Variants in MACO1 observed in about 807,000 individuals in gnomAD.
MACO1 encodes macoilin.
MACO1 carries 14 observed loss-of-function variants against 78.7 expected under a neutral mutation model. That is an observed-to-expected ratio of 0.18 (90% CI 0.12 to 0.28). The LOEUF (loss-of-function observed/expected upper bound fraction) is 0.28, where lower values mean the gene tolerates loss of function less well. MACO1 is among the 10% of genes least tolerant of loss of function. MACO1 has a pLI of 1.00. For synonymous variants in MACO1, 288 were observed against 291.6 expected (o/e 0.99, Z 0.12); for missense variants, 501 against 799.0 (o/e 0.63, Z 4.50).
At chr1:25,448,449 G>A (rs996215548) in intron 2 of MACO1, among the ~76,000 whole-genome samples, 2 of 151,932 alleles carry the variant, frequency 1.3e-5, no homozygotes, top group Non-Finnish European at 2.9e-5. Context: ...GGGTGACAGA[G>A]CGAGACTCCA....
At chr1:25,432,421 T>C (rs2042883931) in intron 1 of MACO1, among the ~76,000 whole-genome samples, 2 of 152,342 alleles carry the variant, frequency 1.3e-5, no homozygotes, top group African/African-American at 4.8e-5. Context: ...AAATGAGCCA[T>C]AGAGCATAGG....
chr1:25,430,979 T>G lies in MACO1; in HGVS notation c.-120T>G, dbSNP rs1435471012. ...CCCCTCCCCCCGGGTGCTGGCTCCATGTCTGTGTGACCGGCCTCAGGGGTA... is the reference window on the plus strand; with the variant it reads ...CCCCTCCCCCCGGGTGCTGGCTCCAGGTCTGTGTGACCGGCCTCAGGGGTA... On this transcript the variant is annotated 5_prime_UTR_variant, in exon 1 of 11. It removes an upstream start codon present in the reference 5' UTR. Coordinates refer to ENST00000374343, the MANE Select transcript of MACO1 (RefSeq NM_018202.6). 8.4e-6 allele frequency: 3 copies of G among 358,046 alleles called. No homozygotes were observed. Among genetic ancestry groups the G allele is most frequent in the East Asian group, 1.5e-4 (1 of 6,478 alleles). 22.2% of individuals were successfully genotyped at this position (358,046 alleles called of 1,614,324 possible). A position where few individuals can be genotyped will look rare whatever the true frequency, so the allele number is the denominator to read the frequency against.
At chr1:25,469,910 GCCA>G (rs1260669228) in intron 6 of MACO1, among the ~76,000 whole-genome samples, 1 of 152,122 alleles carries the variant, frequency 6.6e-6, no homozygotes, top group African/African-American at 2.4e-5. Context: ...ACAGGCATGA[GCCA>G]CCGCGCCCGG....
intron 8 of MACO1, among the ~76,000 whole-genome samples, chr1:25,487,107 G>GCTTATTTAT (rs1445489620): frequency 1.1e-4 from 16 of 152,054 alleles, no homozygotes; most frequent in Non-Finnish European, 2.4e-4. Flanking sequence ...TTCCAGTTAA[G>GCTTATTTAT]CTTATTTATC....
At chr1:25,464,254 A>G (rs75263923) in intron 6 of MACO1, among the ~76,000 whole-genome samples, 76,179 of 151,074 alleles carry the variant, frequency 0.5, 19,567 homozygotes, top group East Asian at 0.73. Context: ...GAATGATATT[A>G]CATAGCCTTT....
In MACO1 at chr1:25,455,245, TAATG is replaced by T. The variant is rs2043109216; in HGVS notation, c.473+867_473+870del. 9.2e-5 allele frequency among the ~76,000 whole-genome samples: 14 copies of T among 152,310 alleles called. No homozygotes were observed. The South Asian group carries it at 2.9e-3, about 32-fold the overall frequency. On this transcript the variant is annotated intron_variant, in intron 4 of 10. Transcript: ENST00000374343. Reference sequence around the variant, plus strand: ...GAATGAATATTATTTCTCTTTATGTTAATGAATATTAAGATATTATTCATTTAAT... The same window carrying T: ...GAATGAATATTATTTCTCTTTATGTTAATATTAAGATATTATTCATTTAAT...
intron 6 of MACO1, among the ~76,000 whole-genome samples, chr1:25,463,769 T>A (rs1304011727): frequency 2.0e-5 from 3 of 152,258 alleles, no homozygotes; most frequent in Non-Finnish European, 4.4e-5. Flanking sequence ...AAATTGCTGT[T>A]AAAATTTTGT....
intron 10 of MACO1, among the ~76,000 whole-genome samples, chr1:25,495,859 G>A (rs922874681): frequency 2.0e-5 from 3 of 152,208 alleles, no homozygotes; most frequent in Non-Finnish European, 4.4e-5. Flanking sequence ...CTACTCGGGA[G>A]GCTGAGGCAG....
intron 10 of MACO1, 64 bp downstream of exon 10, chr1:25,491,648 G>A: frequency 1.4e-6 from 2 of 1,454,982 alleles, no homozygotes; most frequent in Non-Finnish European, 1.9e-6. Context: ...GCACAGGCCA[G>A]ACCTCTCCTG....
At chr1:25,484,322 G>A in intron 7 of MACO1, 48 bp downstream of exon 7, 1 of 1,521,100 alleles carries the variant, frequency 6.6e-7, no homozygotes, top group East Asian at 2.4e-5. Flanking sequence ...CAGCTTCACT[G>A]CTTCTCCTGT....
chr1:25,489,229 A>T lies in MACO1; in HGVS notation c.1553A>T (p.Lys518Met). The T allele has an allele frequency of 6.2e-7, 1 of 1,614,126 alleles. No individual in the cohort carries two copies. The highest frequency in any genetic ancestry group is 8.5e-7 in the Non-Finnish European group (1 of 1,179,996). The change falls in exon 9 of 11, where the codon AAG becomes ATG. Residue 518 changes from lysine to methionine, a missense_variant. Coordinates refer to ENST00000374343, the MANE Select transcript of MACO1 (RefSeq NM_018202.6). ...ATCAGAGAACTAGAAGCAGAGGGCA[A>T]GAAGCTCACGATGGACATGAAGGTG... ...NRIRELEAEG[K>M]KLTMDMKVKE...
At chr1:25,470,972 G>C (rs964946643) in intron 6 of MACO1, among the ~76,000 whole-genome samples, 9 of 152,054 alleles carry the variant, frequency 5.9e-5, no homozygotes, top group African/African-American at 2.2e-4. Context: ...AGGTTGCAGT[G>C]AGCCAGGGTC....
At chr1:25,431,282 C>A in intron 1 of MACO1, 104 bp downstream of exon 1, 1 of 820,778 alleles carries the variant, frequency 1.2e-6, no homozygotes, top group Non-Finnish European at 1.8e-6. Flanking sequence ...CGCACGCCCG[C>A]GCCGGGGGCT....
At chr1:25,446,494 G>T (rs938022112) in intron 1 of MACO1, among the ~76,000 whole-genome samples, 2 of 152,134 alleles carry the variant, frequency 1.3e-5, no homozygotes, top group African/African-American at 4.8e-5. Flanking sequence ...TAAAATAGTG[G>T]TGGGATTTAA....
intron 1 of MACO1, among the ~76,000 whole-genome samples, chr1:25,436,919 G>A (rs1455571643): frequency 6.6e-6 from 1 of 152,052 alleles, no homozygotes; most frequent in Non-Finnish European, 1.5e-5. Flanking sequence ...CAAAAATAAT[G>A]TATCCCTCAC....
intron 1 of MACO1, among the ~76,000 whole-genome samples, chr1:25,439,988 A>G (rs1217807982): frequency 6.7e-6 from 1 of 148,530 alleles, no homozygotes; most frequent in African/African-American, 2.5e-5. Flanking sequence ...ATTGCATTCT[A>G]GCCTGGGCAA....
chr1:25,442,426 A>C (rs1299741105), intron 1 of MACO1, among the ~76,000 whole-genome samples: 2 of 152,188 alleles, frequency 1.3e-5, no homozygotes, highest in Non-Finnish European at 2.9e-5. Flanking sequence ...CCACAGACTC[A>C]TTTCTGTAGT....
chr1:25,438,322 C>G (rs2042937563), intron 1 of MACO1, among the ~76,000 whole-genome samples: 1 of 152,200 alleles, frequency 6.6e-6, no homozygotes, highest in African/African-American at 2.4e-5. Context: ...AATTATGCTT[C>G]ATATAATTGA....
In MACO1 at chr1:25,497,146, C is replaced by T. The variant is rs564785758; in HGVS notation, c.1793-1118C>T. On this transcript the variant is annotated intron_variant, in intron 10 of 10. Coordinates refer to ENST00000374343, the MANE Select transcript of MACO1 (RefSeq NM_018202.6). ...CTGTAATCCCAGCACTTTGGGAGGC[C>T]GAGTTGGGCAGATCACCTGAGGTTG... 1.5e-3 allele frequency among the ~76,000 whole-genome samples: 231 copies of T among 152,024 alleles called. 1 individual carries two copies. Among genetic ancestry groups the T allele is most frequent in the Non-Finnish European group, 2.6e-3 (177 of 67,964 alleles).
Sources: allele counts gnomAD v4.1 joint callset (sites outside exome capture counted in the v4.1 genomes callset), GRCh38; gene constraint gnomAD v4.1.1; transcripts MANE v1.5; gene names NCBI Gene and HGNC (gene_info 2026-07-23, HGNC 2026-07-21).